NRXN3: variants seen among roughly 807,000 people sequenced by gnomAD.
NRXN3 encodes neurexin III.
NRXN3 carries 32 observed loss-of-function variants against 137.6 expected under a neutral mutation model. The observed-to-expected ratio is 0.23, with a 90% CI of 0.18 to 0.31. NRXN3 has a LOEUF of 0.31. Among genes scored for constraint, NRXN3 ranks in the 10% least tolerant of loss-of-function variants. The pLI is 1.00. For missense variants in NRXN3, 1,574 were observed against 2,062.5 expected (o/e 0.76, Z 4.59); for synonymous variants, 798 against 784.5 (o/e 1.02, Z -0.29).
chr14:78,798,137 A>G (rs1484156470), intron 8 of NRXN3, among the ~76,000 whole-genome samples: 1 of 152,194 alleles, frequency 6.6e-6, no homozygotes, highest in Non-Finnish European at 1.5e-5. Flanking sequence ...CATTAACTCA[A>G]AAGTCCACAG....
intron 15 of NRXN3, among the ~76,000 whole-genome samples, chr14:79,129,789 C>G (rs991826722): frequency 1.8e-5 from 2 of 110,674 alleles, no homozygotes; most frequent in African/African-American, 6.6e-5. Context: ...GTTAAAGTCT[C>G]CCATTATTAT....
intron 16 of NRXN3, among the ~76,000 whole-genome samples, chr14:79,519,768 C>CT (rs200757761): frequency 0.3 from 35,814 of 119,266 alleles, 5,384 homozygotes; most frequent in Middle Eastern, 0.45. Flanking sequence ...AATAGTATTT[C>CT]TTTTTTTTTT....
rs191478019 is a variant in NRXN3 at position 78,309,119 on chromosome 14, A to G, written c.757+11259A>G. 2.2e-4 allele frequency among the ~76,000 whole-genome samples: 34 copies of G among 152,214 alleles called. 1 individual carries two copies. In the South Asian group the frequency reaches 3.3e-3, roughly 15 times the overall value. On this transcript the variant is annotated intron_variant, in intron 4 of 20. Coordinates refer to ENST00000335750, the MANE Select transcript of NRXN3 (RefSeq NM_001330195.2). ...TTTGCGTATTGACTGGGTAAGTTTT[A>G]AATGTTCTGTTTCTTTAAAAACAAT...
intron 16 of NRXN3, chr14:79,633,336 G>C (rs141706439): frequency 6.6e-6 from 1 of 152,090 alleles, no homozygotes; most frequent in Admixed American, 6.5e-5. Context: ...ATGAGCTGTT[G>C]CTTGGTAAGT....
chr14:79,410,424 A>G (rs1022518896), intron 15 of NRXN3, among the ~76,000 whole-genome samples: 5 of 151,606 alleles, frequency 3.3e-5, no homozygotes, highest in African/African-American at 1.2e-4. Flanking sequence ...TAGTTATCTA[A>G]TTAATTTATT....
Position 79,038,245 on chromosome 14 carries a change from A to G in NRXN3, c.3262+50104A>G, listed in dbSNP as rs543076493. On this transcript the variant is annotated intron_variant, in intron 15 of 20. Transcript: ENST00000335750. ...TATTTTTTCTCCACATCCCAGAGTC[A>G]ACAAGCAGAGACCGAAAGGCATAAA... 5.3e-5 allele frequency among the ~76,000 whole-genome samples: 8 copies of G among 152,094 alleles called. No individual in the cohort carries two copies. In the Middle Eastern group the frequency reaches 0.014, roughly 259 times the overall value.
chr14:79,711,337 C>T (rs1437359760), intron 19 of NRXN3, among the ~76,000 whole-genome samples: 4 of 152,116 alleles, frequency 2.6e-5, no homozygotes, highest in African/African-American at 4.8e-5. Context: ...CAAAGCTCTA[C>T]GTCCAGGGGC....
intron 8 of NRXN3, among the ~76,000 whole-genome samples, chr14:78,754,879 A>G (rs1184910605): frequency 6.8e-6 from 1 of 147,746 alleles, no homozygotes; most frequent in Non-Finnish European, 1.5e-5. Context: ...GTTGCCCTGT[A>G]TCCACACCTT....
intron 15 of NRXN3, among the ~76,000 whole-genome samples, chr14:79,177,937 A>G (rs2062513343): frequency 6.6e-6 from 1 of 152,226 alleles, no homozygotes; most frequent in African/African-American, 2.4e-5. Flanking sequence ...TTTATTTTTT[A>G]TTACTAATTT....
At chr14:79,422,724 G>A (rs1352899790) in intron 15 of NRXN3, among the ~76,000 whole-genome samples, 1 of 145,352 alleles carries the variant, frequency 6.9e-6, no homozygotes, top group East Asian at 2.1e-4. Context: ...TTTTGAGACG[G>A]AATCTTGCTC....
chr14:79,433,300 A>G (rs1259310606), intron 15 of NRXN3, among the ~76,000 whole-genome samples: 2 of 150,944 alleles, frequency 1.3e-5, no homozygotes, highest in South Asian at 2.1e-4. Flanking sequence ...AAAAGAAAAA[A>G]GAAGGACTGT....
At chr14:78,751,956 G>A (rs943941792) in intron 8 of NRXN3, among the ~76,000 whole-genome samples, 3 of 152,178 alleles carry the variant, frequency 2.0e-5, no homozygotes, top group Non-Finnish European at 4.4e-5. Context: ...TGGATCCCAG[G>A]ATGCAAACTG....
chr14:79,238,011 T>A (rs2073694814), intron 15 of NRXN3, among the ~76,000 whole-genome samples: 1 of 152,098 alleles, frequency 6.6e-6, no homozygotes, highest in African/African-American at 2.4e-5. Flanking sequence ...TATTTTTAAA[T>A]CCAAGCTTGA....
chr14:78,650,170 A>G (rs1488450892), intron 5 of NRXN3, among the ~76,000 whole-genome samples: 1 of 151,558 alleles, frequency 6.6e-6, no homozygotes, highest in Non-Finnish European at 1.5e-5. Flanking sequence ...CTTTTTTTTC[A>G]CTTCCATCTT....
intron 16 of NRXN3, among the ~76,000 whole-genome samples, chr14:79,561,294 A>T (rs1187184304): frequency 6.6e-6 from 1 of 152,188 alleles, no homozygotes; most frequent in Non-Finnish European, 1.5e-5. Flanking sequence ...AGAAAGAGAG[A>T]ACAAGAGAAC....
chr14:79,008,881 A>G (rs1029388502), intron 15 of NRXN3, among the ~76,000 whole-genome samples: 10 of 151,306 alleles, frequency 6.6e-5, no homozygotes, highest in Non-Finnish European at 1.2e-4. Flanking sequence ...CTGGTCTTGA[A>G]CTCCTGACCT....
intron 1 of NRXN3, among the ~76,000 whole-genome samples, chr14:78,228,517 A>G (rs2064979474): frequency 6.6e-6 from 1 of 152,192 alleles, no homozygotes; most frequent in African/African-American, 2.4e-5. Flanking sequence ...GATAATGGTC[A>G]TGGCTAACAT....
chr14:79,435,300 CAA>C (rs147005397), intron 15 of NRXN3, among the ~76,000 whole-genome samples: 88 of 123,562 alleles, frequency 7.1e-4, no homozygotes, highest in Middle Eastern at 4.1e-3. Context: ...GAAATTTGCT[CAA>C]AAAAAAAAAA....
chr14:79,021,493 C>T (rs895490164), intron 15 of NRXN3, among the ~76,000 whole-genome samples: 11 of 152,126 alleles, frequency 7.2e-5, no homozygotes, highest in Non-Finnish European at 1.3e-4. Flanking sequence ...AAATCCAATT[C>T]TACTGATGTT....
Sources: gnomAD v4.1 joint callset for allele counts (sites outside exome capture counted in the v4.1 genomes callset) on GRCh38, gnomAD v4.1.1 for gene constraint, MANE v1.5 for transcripts, NCBI Gene and HGNC (gene_info 2026-07-23, HGNC 2026-07-21) for gene names.